TMEM63C: variants seen among roughly 807,000 people sequenced by gnomAD.
TMEM63C encodes the protein osmosensitive cation channel TMEM63C.
A neutral mutation model predicts 99.2 loss-of-function variants in TMEM63C; 32 were observed. That is an observed-to-expected ratio of 0.32 (90% confidence interval 0.24 to 0.43). The LOEUF is 0.43. TMEM63C is among the 20% of genes least tolerant of loss of function. TMEM63C has a pLI of 1.00. For missense variants in TMEM63C, 826 were observed against 1,053.0 expected (o/e 0.78, Z 2.98); for synonymous variants, 376 against 397.9 (o/e 0.94, Z 0.66).
intron 1 of TMEM63C, among the ~76,000 whole-genome samples, chr14:77,208,631 A>G (rs1314083211): frequency 6.6e-6 from 1 of 152,238 alleles, no homozygotes; most frequent in Non-Finnish European, 1.5e-5. Flanking sequence ...AGCTTCTGCA[A>G]TATAGGAAGG....
intron 16 of TMEM63C, among the ~76,000 whole-genome samples, chr14:77,245,004 C>A (rs988857314): frequency 6.6e-6 from 1 of 152,214 alleles, no homozygotes; most frequent in Non-Finnish European, 1.5e-5. Context: ...ATACCCTGGG[C>A]AGGTGGCAGT....
intron 1 of TMEM63C, among the ~76,000 whole-genome samples, chr14:77,188,909 AACTATGATACTGTGCAGC>A (rs1888052577): frequency 1.3e-5 from 2 of 152,196 alleles, no homozygotes; most frequent in African/African-American, 4.8e-5. Context: ...TAATGAATAA[AACTATGATACTGTGCAGC>A]AGTTAAACTA....
chr14:77,229,704 T>TCC (rs1888900747), intron 6 of TMEM63C, among the ~76,000 whole-genome samples: 1 of 148,932 alleles, frequency 6.7e-6, no homozygotes, highest in Non-Finnish European at 1.5e-5. Context: ...CACCTGTCTC[T>TCC]GCCTCCCAAA....
chr14:77,224,096 T>C (rs1888773880), intron 5 of TMEM63C, among the ~76,000 whole-genome samples: 1 of 152,046 alleles, frequency 6.6e-6, no homozygotes, highest in African/African-American at 2.4e-5. Flanking sequence ...AGGGCATAGC[T>C]GGAGGAATGT....
Position 77,246,023 on chromosome 14 carries a change from C to G in TMEM63C, c.1532C>G (p.Thr511Ser), listed in dbSNP as rs769534290. Residue 511 changes from threonine to serine, a missense_variant, in exon 17 of 24, where the codon ACC (threonine) becomes AGC (serine). Physicochemically the swap from Thr to Ser is moderately conservative, Grantham distance 58. Coordinates refer to ENST00000298351, the MANE Select transcript of TMEM63C (RefSeq NM_020431.4). The part of the protein sequence containing the change: ...MVVILPSMGL[T>S]SLDVFLRWLF... Reference sequence around the variant, plus strand: ...GTCATTCTGCCCTCTATGGGACTGACCAGGTACCTCACTTCCAATTATCCC... The same window carrying G: ...GTCATTCTGCCCTCTATGGGACTGAGCAGGTACCTCACTTCCAATTATCCC... The G allele has an allele frequency of 8.7e-6, 14 of 1,610,758 alleles. No individual in the cohort carries two copies. The highest frequency in any genetic ancestry group is 1.2e-5 in the Non-Finnish European group (14 of 1,177,040).
rs78196557 is a variant in TMEM63C, at chr14:77,217,080, C to T, written c.-13-1721C>T. On this transcript the variant is annotated intron_variant, in intron 2 of 23. Coordinates refer to ENST00000298351, the MANE Select transcript of TMEM63C (RefSeq NM_020431.4). ...GCTACTCTTGAATATTGCTTGAGCC[C>T]AGGAATTGGAGGCTACAGTGAGCTA... Among the ~76,000 whole-genome samples, 572 of 152,134 alleles carry T rather than the reference C, an allele frequency of 3.8e-3. 14 individuals are homozygous for T. In the East Asian group the frequency reaches 0.07, roughly 19 times the overall value.
intron 1 of TMEM63C, among the ~76,000 whole-genome samples, chr14:77,182,109 C>T (rs894878183): frequency 1.3e-5 from 2 of 152,138 alleles, no homozygotes; most frequent in Admixed American, 1.3e-4. Context: ...GAAAGGGTGG[C>T]CTGAGCCGCC....
chr14:77,240,475 G>T lies in TMEM63C; in HGVS notation c.931G>T (p.Val311Leu). The change falls in exon 13 of 24, where the codon GTG becomes TTG. Residue 311 changes from valine to leucine, a missense_variant and splice_region_variant. By Grantham distance (32) the Val-to-Leu change is conservative. Coordinates refer to ENST00000298351, the MANE Select transcript of TMEM63C (RefSeq NM_020431.4). ...FCKCWTCFKE[V>L]DAEQYYSELE... Reference sequence around the variant, plus strand: ...CCCTGAAGGCTGCCTGCCACCCCAGGTGGATGCAGAGCAGTATTACAGCGA... The same window carrying T: ...CCCTGAAGGCTGCCTGCCACCCCAGTTGGATGCAGAGCAGTATTACAGCGA... The T allele has an allele frequency of 6.2e-7, 1 of 1,608,630 alleles. No individual in the cohort carries two copies. Among genetic ancestry groups the T allele is most frequent in the Non-Finnish European group, 8.5e-7 (1 of 1,179,518 alleles).
At chr14:77,240,813 C>A (rs925471196) in intron 13 of TMEM63C, among the ~76,000 whole-genome samples, 2 of 152,214 alleles carry the variant, frequency 1.3e-5, no homozygotes, top group African/African-American at 4.8e-5. Flanking sequence ...TCAAGGGGTG[C>A]CCAGGCCGGG....
Position 77,233,480 on chromosome 14 carries a change from C to T in TMEM63C, c.522C>T (p.Thr174=). 1 of 1,613,618 alleles carries T rather than the reference C, an allele frequency of 6.2e-7. No individual in the cohort carries two copies. Among genetic ancestry groups the T allele is most frequent in the Non-Finnish European group, 8.5e-7 (1 of 1,179,806 alleles). The change falls in exon 8 of 24, where the codon ACC becomes ACT. Residue 174 remains threonine, a synonymous_variant. Coordinates refer to ENST00000298351, the MANE Select transcript of TMEM63C (RefSeq NM_020431.4). ...GGAGCAGTCACTTTGCTCGGACCAC[C>T]ATTGTCAATGTCTCCACAGAGTAGG... The part of the protein sequence containing the change: ...LDWSSHFART[T]IVNVSTESKL...
In TMEM63C at chr14:77,225,335, C is replaced by T. The variant is rs946724774; in HGVS notation, c.313-89C>T. The T allele has an allele frequency of 1.1e-5, 15 of 1,319,958 alleles. No homozygotes were observed. The African/African-American group carries it at 1.9e-4, about 17-fold the overall frequency. 81.8% of individuals were successfully genotyped at this position (1,319,958 alleles called of 1,614,324 possible). On this transcript the variant is annotated intron_variant, in intron 5 of 23. Coordinates refer to ENST00000298351, the MANE Select transcript of TMEM63C (RefSeq NM_020431.4). ...AGGCCCCGGACGCTGCCGCGGCTGC[C>T]TCAGATGACCTGGCCGCCTGGGTTC...
chr14:77,228,833 G>A (rs985894408), intron 6 of TMEM63C, among the ~76,000 whole-genome samples: 9 of 151,934 alleles, frequency 5.9e-5, no homozygotes, highest in Non-Finnish European at 8.8e-5. Context: ...CACTGCACCC[G>A]GCCTTAAAAA....
chr14:77,204,241 C>T (rs1265256972), intron 1 of TMEM63C, among the ~76,000 whole-genome samples: 6 of 138,028 alleles, frequency 4.3e-5, no homozygotes, highest in Admixed American at 1.4e-4. Context: ...ATATGAGATG[C>T]GCCACATTTT....
chr14:77,251,817 C>T lies in TMEM63C; in HGVS notation c.2067C>T (p.Ser689=), dbSNP rs374134848. Residue 689 remains serine (S), a synonymous_variant, in exon 22 of 24, where the codon TCC becomes TCT. Transcript: ENST00000298351. ...CTCTCCACGCCATCACCATCTTTTC[C>T]CTGTCCACCCTCCTCATTGCCATGG... is the stretch of plus-strand genomic sequence containing the variant. The part of the protein sequence containing the change: ...LGSLHAITIF[S]LSTLLIAMVI... The T allele has an allele frequency of 6.2e-7, 1 of 1,614,020 alleles. No homozygotes were observed. The highest frequency in any genetic ancestry group is 2.2e-5 in the East Asian group (1 of 44,884).
At chr14:77,187,094 G>A (rs557247821) in intron 1 of TMEM63C, among the ~76,000 whole-genome samples, 3 of 152,150 alleles carry the variant, frequency 2.0e-5, no homozygotes, top group Non-Finnish European at 2.9e-5. Flanking sequence ...TGAGTCACCC[G>A]CTCAATAGGT....
intron 1 of TMEM63C, among the ~76,000 whole-genome samples, chr14:77,210,559 C>T (rs772077119): frequency 3.9e-5 from 6 of 152,140 alleles, no homozygotes; most frequent in Non-Finnish European, 5.9e-5. Flanking sequence ...CAGTGACACA[C>T]CCTTCCTCTC....
intron 9 of TMEM63C, among the ~76,000 whole-genome samples, chr14:77,237,336 C>T (rs1031915494): frequency 2.0e-5 from 3 of 152,118 alleles, no homozygotes; most frequent in Non-Finnish European, 2.9e-5. Context: ...CAGAGACCCC[C>T]GTGTATCCCC....
At position 77,199,935 on chromosome 14, in the gene TMEM63C, C is replaced by T. The variant is rs868810090; in HGVS notation, c.-76-13511C>T. 3.9e-5 allele frequency among the ~76,000 whole-genome samples: 6 copies of T among 152,278 alleles called. No homozygotes were observed. The South Asian group carries it at 6.2e-4, about 16-fold the overall frequency. ...TGTAGGTGAGAGATGAGAGAGGAGC[C>T]GGTGAAGGACGAGGAGAGAGAAATC... On this transcript the variant is annotated intron_variant, in intron 1 of 23. Transcript: ENST00000298351.
rs772701077 is a variant in TMEM63C at position 77,215,614 on chromosome 14, A to AAAAAAG, written c.-14+2110_-14+2111insAGAAAA. On this transcript the variant is annotated intron_variant, in intron 2 of 23. Transcript: ENST00000298351. ...AGACTCTGTCTCAAAAAAAAAAAAAAAAAAGAAAAGAAAAGAAAAAGAAAC... is the reference window on the plus strand; with the variant it reads ...AGACTCTGTCTCAAAAAAAAAAAAAAAAAAAGAAAAGAAAAGAAAAGAAAAAGAAAC... 1.4e-3 allele frequency among the ~76,000 whole-genome samples: 108 copies of AAAAAAG among 76,550 alleles called. 1 individual carries two copies. The highest frequency in any genetic ancestry group is 4.7e-3 in the South Asian group (8 of 1,692). 50.2% of individuals were successfully genotyped at this position (76,550 alleles called of 152,430 possible). A position where few individuals can be genotyped will look rare whatever the true frequency, so the allele number is the denominator to read the frequency against.
Sources: allele counts gnomAD v4.1 joint callset (sites outside exome capture counted in the v4.1 genomes callset), GRCh38; gene constraint gnomAD v4.1.1; transcripts MANE v1.5; gene names NCBI Gene and HGNC (gene_info 2026-07-23, HGNC 2026-07-21).